MLPH: variants seen among roughly 807,000 people sequenced by gnomAD.
MLPH encodes the protein exophilin-3.
A neutral mutation model predicts 72.1 loss-of-function variants in MLPH; 51 were observed. The observed-to-expected ratio is 0.71, with a 90% CI of 0.56 to 0.89. The LOEUF (loss-of-function observed/expected upper bound fraction) is 0.89. Among genes scored for constraint, MLPH ranks in the 40% least tolerant of loss-of-function variants. MLPH has a pLI of 0.00. For missense variants in MLPH, 743 were observed against 759.9 expected, an observed-to-expected ratio of 0.98 and a Z score of 0.26; for synonymous variants, 301 against 310.1, an observed-to-expected ratio of 0.97 and a Z score of 0.31.
intron 4 of MLPH, among the ~76,000 whole-genome samples, chr2:237,516,964 G>T (rs2080043781): frequency 1.3e-5 from 2 of 151,214 alleles, no homozygotes; most frequent in Admixed American, 1.3e-4. Flanking sequence ...TGGATAGATA[G>T]GTGGATGGAT....
At position 237,540,429 on chromosome 2, in the gene MLPH, G is replaced by A. The variant is rs748944036; in HGVS notation, c.1186G>A (p.Val396Ile). ...RRKLEELTSN[V>I]SDQETSSEEE... is the part of the protein sequence containing the mutation. Reference sequence around the variant, plus strand: ...GAAGCTGGAGGAGCTGACCAGCAACGTCAGTGACCAGGAGACCTCGTCCGA... The same window carrying A: ...GAAGCTGGAGGAGCTGACCAGCAACATCAGTGACCAGGAGACCTCGTCCGA... Residue 396 changes from valine (V) to isoleucine (I), a missense_variant, in exon 10 of 16, where the codon GTC (valine) becomes ATC (isoleucine). Coordinates refer to ENST00000264605, the MANE Select transcript of MLPH (RefSeq NM_024101.7). 8.1e-6 allele frequency: 13 copies of A among 1,612,796 alleles called. No homozygotes were observed. In the African/African-American group the frequency reaches 1.2e-4, roughly 15 times the overall value.
At chr2:237,496,431 C>G (rs59214542) in intron 2 of MLPH, among the ~76,000 whole-genome samples, 1 of 152,106 alleles carries the variant, frequency 6.6e-6, no homozygotes, top group Non-Finnish European at 1.5e-5. Flanking sequence ...CTTCTGACAC[C>G]CGTCTTTCCT....
chr2:237,552,995 G>A (rs2081068729), intron 15 of MLPH: 1 of 420,762 alleles, frequency 2.4e-6, no homozygotes, highest in South Asian at 1.7e-5. Flanking sequence ...CAGAGTGGGA[G>A]CAGGCTAGAG....
At chr2:237,504,367 C>T (rs2079718190) in intron 2 of MLPH, among the ~76,000 whole-genome samples, 1 of 152,164 alleles carries the variant, frequency 6.6e-6, no homozygotes, top group Admixed American at 6.5e-5. Context: ...CAGGTGCCCA[C>T]CACCACACGG....
rs1456955907 is a variant in MLPH at position 237,520,058 on chromosome 2, C to A, written c.675+29C>A. On this transcript the variant is annotated intron_variant, in intron 6 of 15. Transcript: ENST00000264605. ...AGTGGGTCCTCGTGTCTTTCCCCTG[C>A]CCCTCCCAGGAACCTGAGTGGCAGG... The A allele has an allele frequency of 8.1e-6, 13 of 1,613,474 alleles. No homozygotes were observed. In the South Asian group the frequency reaches 1.2e-4, roughly 15 times the overall value.
intron 6 of MLPH, among the ~76,000 whole-genome samples, chr2:237,525,042 G>A (rs2080272995): frequency 6.6e-6 from 1 of 152,192 alleles, no homozygotes; most frequent in Non-Finnish European, 1.5e-5. Context: ...AACTGGAAGG[G>A]CGCTGTGGCA....
In MLPH at chr2:237,527,804, G is replaced by A. The variant is rs140817778; in HGVS notation, c.1020+288G>A. ...TATACACCCCAAAAAATTGAAGACAGGGACTGAAAAAGATATTTGCAACCC... is the reference window on the plus strand; with the variant it reads ...TATACACCCCAAAAAATTGAAGACAAGGACTGAAAAAGATATTTGCAACCC... On this transcript the variant is annotated intron_variant, in intron 8 of 15. Transcript: ENST00000264605. 730 of 463,114 alleles carry A rather than the reference G, an allele frequency of 1.6e-3. 9 individuals are homozygous for A. The highest frequency in any genetic ancestry group is 0.013 in the African/African-American group (653 of 50,882). The allele number at this position is 463,114 out of a possible 1,614,324, so 28.7% of individuals were successfully genotyped here. A position where few individuals can be genotyped will look rare whatever the true frequency, so the allele number is the denominator to read the frequency against.
intron 4 of MLPH, chr2:237,511,702 T>G (rs2079907871): frequency 6.5e-6 from 1 of 153,904 alleles, no homozygotes; most frequent in African/African-American, 2.4e-5. Context: ...ATCTGGTGAT[T>G]ATCAAGATTT....
chr2:237,510,197 C>T lies in MLPH; in HGVS notation c.111-377C>T. 1 of 338,488 alleles carries T rather than the reference C, an allele frequency of 3.0e-6. No homozygotes were observed. The highest frequency in any genetic ancestry group is 2.5e-5 in the South Asian group (1 of 39,522). 21.0% of individuals were successfully genotyped at this position (338,488 alleles called of 1,614,324 possible). On this transcript the variant is annotated intron_variant, in intron 2 of 15. Coordinates refer to ENST00000264605, the MANE Select transcript of MLPH (RefSeq NM_024101.7). This position sits in a 1 kb window ranked among gnomAD's most constrained non-coding sequence, Gnocchi z 4.4. ...CCTGCTGAAGGAGACCAAAACAATG[C>T]TTGATCAGGAAACACCATCTGGCTT...
At chr2:237,527,345 G>T in intron 7 of MLPH, 32 bp from the exon 8 acceptor site, 1 of 1,613,996 alleles carries the variant, frequency 6.2e-7, no homozygotes, top group Non-Finnish European at 8.5e-7. Context: ...GGTTTTCACT[G>T]CAAGTAATTC....
rs532415370 is a variant in MLPH at position 237,540,543 on chromosome 2, T to A, written c.1290+10T>A. 6.5e-5 allele frequency: 105 copies of A among 1,608,044 alleles called. No homozygotes were observed. The South Asian group carries it at 1.1e-3, about 17-fold the overall frequency. On this transcript the variant is annotated intron_variant, in intron 10 of 15. Coordinates refer to ENST00000264605, the MANE Select transcript of MLPH (RefSeq NM_024101.7). ...CCAGGCGGACCCGGAGGTAAGACTA[T>A]CCCCCAGAGGTCTCAGCAGGACCCT...
At chr2:237,522,622 T>C (rs1406407535) in intron 6 of MLPH, among the ~76,000 whole-genome samples, 1 of 150,998 alleles carries the variant, frequency 6.6e-6, no homozygotes, top group African/African-American at 2.4e-5. Flanking sequence ...GAAACTGGGG[T>C]TGGGCCTTCA....
intron 7 of MLPH, 192 bp from the exon 8 acceptor site, chr2:237,527,185 T>A: frequency 2.9e-6 from 2 of 699,768 alleles, no homozygotes; most frequent in Non-Finnish European, 5.0e-6. Context: ...GTCCTCTTTT[T>A]TCCTGAAGAT....
chr2:237,505,548 G>A lies in MLPH; in HGVS notation c.111-5026G>A, dbSNP rs1304342717. ...TTCCCCCTGCTGTGCCTTCAGGGGT[G>A]GCCACCAGCCCCGCCATCCTGGGCT... On this transcript the variant is annotated intron_variant, in intron 2 of 15. Transcript: ENST00000264605. The surrounding 1 kb of genome is among the most constrained non-coding windows in gnomAD (Gnocchi z 4.5). Among the ~76,000 whole-genome samples, 1 of 152,154 alleles carries A rather than the reference G, an allele frequency of 6.6e-6. No individual in the cohort carries two copies. The highest frequency in any genetic ancestry group is 2.4e-5 in the African/African-American group (1 of 41,428).
intron 2 of MLPH, among the ~76,000 whole-genome samples, chr2:237,494,393 A>G (rs1026241969): frequency 6.6e-6 from 1 of 151,352 alleles, no homozygotes; most frequent in Non-Finnish European, 1.5e-5. Flanking sequence ...GCAGTTGGAG[A>G]TGTAACAGGT....
chr2:237,513,104 A>G (rs1192506471), intron 4 of MLPH, among the ~76,000 whole-genome samples: 1 of 135,744 alleles, frequency 7.4e-6, no homozygotes, highest in Non-Finnish European at 1.6e-5. Context: ...TGTGCCTTTA[A>G]AAAAAAAAAA....
chr2:237,511,887 G>C (rs1042660574), intron 4 of MLPH, among the ~76,000 whole-genome samples: 1 of 152,194 alleles, frequency 6.6e-6, no homozygotes, highest in Admixed American at 6.5e-5. Context: ...ATGCCGGGGG[G>C]TCTTTTGCAT....
rs572610131 is a variant in MLPH at position 237,542,666 on chromosome 2, G to C, written c.1539+7G>C. 4.5e-6 allele frequency: 7 copies of C among 1,556,858 alleles called. No individual in the cohort carries two copies. Among genetic ancestry groups the C allele is most frequent in the Middle Eastern group, 1.9e-4 (1 of 5,170 alleles). On this transcript the variant is annotated splice_region_variant and intron_variant, in intron 12 of 15. Coordinates refer to ENST00000264605, the MANE Select transcript of MLPH (RefSeq NM_024101.7). ...GAGGAAGTCAAACCTCCCGGTGAGT[G>C]GGGGGCAGTGGTGAGTGGAGACAGT...
Position 237,542,263 on chromosome 2 carries a change from G to A in MLPH, c.1447-304G>A, listed in dbSNP as rs147809638. 1.6e-3 allele frequency among the ~76,000 whole-genome samples: 243 copies of A among 152,146 alleles called. 1 individual carries two copies. Among genetic ancestry groups the A allele is most frequent in the Non-Finnish European group, 2.9e-3 (195 of 67,982 alleles). ...AGCCACTACTGTCCTTGCATGTCAC[G>A]GCCCCTCCTCCAGCCCCTCATGGGA... On this transcript the variant is annotated intron_variant, in intron 11 of 15. Transcript: ENST00000264605.
Sources: allele counts gnomAD v4.1 joint callset (sites outside exome capture counted in the v4.1 genomes callset), GRCh38; gene constraint gnomAD v4.1.1; non-coding constraint Gnocchi (gnomAD v3.1); transcripts MANE v1.5; gene names NCBI Gene and HGNC (gene_info 2026-07-23, HGNC 2026-07-21).